Variants in EHBP1 observed in about 807,000 individuals in gnomAD.
EHBP1 encodes the protein EH domain-binding protein 1.
EHBP1 carries 55 observed loss-of-function variants against 144.0 expected under a neutral mutation model. That is an observed-to-expected ratio of 0.38 (90% CI 0.31 to 0.48). The LOEUF is 0.48. Ranked by LOEUF, EHBP1 falls within the 20% of genes least tolerant of loss-of-function variation. The pLI, the probability that EHBP1 is intolerant of heterozygous loss-of-function variation, is 0.98. For synonymous variants in EHBP1, 469 were observed against 472.7 expected (o/e 0.99, Z 0.10); for missense variants, 1,200 against 1,364.2 (o/e 0.88, Z 1.90).
chr2:62,898,540 C>G (rs2053129779), intron 10 of EHBP1, among the ~76,000 whole-genome samples: 1 of 152,226 alleles, frequency 6.6e-6, no homozygotes, highest in Non-Finnish European at 1.5e-5. Flanking sequence ...TCATTCAAAT[C>G]TCTTCTCAAA....
At position 62,864,893 on chromosome 2, in the gene EHBP1, G is replaced by A. The variant is rs775687781; in HGVS notation, c.920G>A (p.Arg307Lys). 1 of 1,613,908 alleles carries A rather than the reference G, an allele frequency of 6.2e-7. No individual in the cohort carries two copies. Reference sequence around the variant, plus strand: ...GATTCTCCTCCCCAGTCTACAAAAAGAAAAAATATAAGACCTGTGGATATG... The same window carrying A: ...GATTCTCCTCCCCAGTCTACAAAAAAAAAAAATATAAGACCTGTGGATATG... ...IKDSPPQSTK[R>K]KNIRPVDMSK... The change falls in exon 9 of 23, where the codon AGA becomes AAA. Residue 307 changes from arginine to lysine, a missense_variant. Physicochemically the swap from Arg to Lys is conservative, Grantham distance 26. This residue lies in a region of EHBP1 where 266 missense variants were observed against 262.4 expected (regional missense o/e 1.01). Transcript: ENST00000431489.
At chr2:62,946,359 A>G (rs902388285) in intron 12 of EHBP1, among the ~76,000 whole-genome samples, 2 of 152,168 alleles carry the variant, frequency 1.3e-5, no homozygotes, top group Non-Finnish European at 2.9e-5. Context: ...AGTACAGACA[A>G]TCATGGCTTT....
At chr2:62,942,639 A>G in intron 10 of EHBP1, 79 bp from the exon 11 acceptor site, 1 of 1,284,042 alleles carries the variant, frequency 7.8e-7, no homozygotes, top group Admixed American at 2.5e-5. Context: ...GGTTCAAATG[A>G]TCTGATTAGG....
intron 10 of EHBP1, among the ~76,000 whole-genome samples, chr2:62,879,605 AGAGAGAGG>A (rs1329721385): frequency 4.0e-5 from 6 of 151,640 alleles, no homozygotes; most frequent in Non-Finnish European, 8.8e-5. Flanking sequence ...ACAGAGAGAG[AGAGAGAGG>A]GAGAGAGGGA....
At chr2:62,859,869 A>G (rs2049364548) in intron 8 of EHBP1, among the ~76,000 whole-genome samples, 1 of 152,212 alleles carries the variant, frequency 6.6e-6, no homozygotes, top group Non-Finnish European at 1.5e-5. Flanking sequence ...GGGCTGTTAC[A>G]GAAGTGAGAC....
At chr2:62,736,846 A>G (rs1056993054) in intron 2 of EHBP1, among the ~76,000 whole-genome samples, 9 of 152,088 alleles carry the variant, frequency 5.9e-5, no homozygotes, top group Admixed American at 3.9e-4. Flanking sequence ...TGTGGTTTTG[A>G]TGCTTGCTCT....
intron 2 of EHBP1, among the ~76,000 whole-genome samples, chr2:62,741,418 G>A (rs1006510655): frequency 6.6e-6 from 1 of 152,178 alleles, no homozygotes; most frequent in Admixed American, 6.6e-5. Context: ...ATTGTTCAAA[G>A]GTGGTAATAT....
intron 5 of EHBP1, among the ~76,000 whole-genome samples, chr2:62,818,726 C>T (rs1468916417): frequency 6.6e-6 from 1 of 152,066 alleles, no homozygotes; most frequent in African/African-American, 2.4e-5. Flanking sequence ...TAGAAAGAAT[C>T]ACAAAATCAC....
intron 2 of EHBP1, among the ~76,000 whole-genome samples, chr2:62,718,929 C>T (rs914089182): frequency 3.3e-5 from 5 of 151,482 alleles, no homozygotes; most frequent in Non-Finnish European, 5.9e-5. Context: ...TGTTCTCTTC[C>T]ATATAAGCAA....
chr2:63,014,892 C>T (rs1301322263), intron 19 of EHBP1, among the ~76,000 whole-genome samples: 6 of 152,092 alleles, frequency 3.9e-5, no homozygotes, highest in Non-Finnish European at 8.8e-5. Context: ...GCAGGAGAAT[C>T]GCTTGAGCCC....
intron 2 of EHBP1, among the ~76,000 whole-genome samples, chr2:62,722,520 A>G (rs2036333181): frequency 6.6e-6 from 1 of 152,178 alleles, no homozygotes; most frequent in Non-Finnish European, 1.5e-5. Context: ...TTAATCTATA[A>G]GCCTAATTCA....
chr2:62,758,800 CAAG>C lies in EHBP1; in HGVS notation c.163-5462_163-5460del, dbSNP rs199820443. On this transcript the variant is annotated intron_variant, in intron 3 of 22. Coordinates refer to ENST00000431489, the MANE Select transcript of EHBP1 (RefSeq NM_001142616.3). The stretch of plus-strand genomic sequence containing the variant: ...CAGCCTTTGCAATGTGCTACCATTT[CAAG>C]AAGGAGAGTACAGCTAGCTGCAGAG... Among the ~76,000 whole-genome samples, 42 of 152,244 alleles carry C rather than the reference CAAG, an allele frequency of 2.8e-4. No individual in the cohort carries two copies. In the East Asian group the frequency reaches 7.3e-3, roughly 27 times the overall value.
At chr2:62,724,659 T>G (rs1218792185) in intron 2 of EHBP1, among the ~76,000 whole-genome samples, 2 of 152,098 alleles carry the variant, frequency 1.3e-5, no homozygotes, top group Admixed American at 1.3e-4. Context: ...TTTTTTCTTT[T>G]ATCCTATTTG....
At chr2:62,793,475 C>T (rs2043308507) in intron 5 of EHBP1, among the ~76,000 whole-genome samples, 1 of 152,006 alleles carries the variant, frequency 6.6e-6, no homozygotes, top group African/African-American at 2.4e-5. Flanking sequence ...GATTCAAGGA[C>T]AGTTTTTGTG....
At chr2:62,836,279 G>T (rs1388204662) in intron 7 of EHBP1, among the ~76,000 whole-genome samples, 6 of 151,724 alleles carry the variant, frequency 4.0e-5, no homozygotes, top group Non-Finnish European at 8.8e-5. Context: ...GCAGCTGAGG[G>T]TCCTGTCTGT....
rs898729725 is a variant in EHBP1, at chr2:62,871,343, A to G, written c.999-3003A>G. ...TTCCTTTTGGCCATTCTTTTTCCAC[A>G]TGAAAGTCACAGTCTTTACAAGTTT... On this transcript the variant is annotated intron_variant, in intron 9 of 22. Transcript: ENST00000431489. Among the ~76,000 whole-genome samples the G allele has an allele frequency of 2.0e-5, 3 of 152,226 alleles. No homozygotes were observed. The South Asian group carries it at 6.2e-4, about 31-fold the overall frequency.
chr2:62,715,717 A>G (rs1006344462), intron 2 of EHBP1, among the ~76,000 whole-genome samples: 1 of 152,168 alleles, frequency 6.6e-6, no homozygotes, highest in Non-Finnish European at 1.5e-5. Context: ...ATTTTCAACT[A>G]TGTGAATGAG....
intron 2 of EHBP1, among the ~76,000 whole-genome samples, chr2:62,715,921 C>T (rs1383120973): frequency 2.0e-5 from 3 of 152,192 alleles, no homozygotes; most frequent in African/African-American, 7.2e-5. Flanking sequence ...CTAGCTAATA[C>T]ATGTTATGCT....
chr2:62,702,510 A>G (rs1365693138), upstream of EHBP1, among the ~76,000 whole-genome samples: 5 of 152,188 alleles, frequency 3.3e-5, no homozygotes, highest in Non-Finnish European at 7.3e-5. Context: ...GGTAACTTCT[A>G]GCATGCCAAA....
Sources: allele counts gnomAD v4.1 joint callset (sites outside exome capture counted in the v4.1 genomes callset), GRCh38; gene constraint gnomAD v4.1.1; regional missense constraint gnomAD v4.1.1; transcripts MANE v1.5; gene names NCBI Gene and HGNC (gene_info 2026-07-23, HGNC 2026-07-21).